SLC25A43: variants seen among roughly 807,000 people sequenced by gnomAD.
SLC25A43 encodes the protein solute carrier family 25 member 43.
Under a neutral mutation model 22.8 loss-of-function variants are expected in SLC25A43, and 10 were observed. That is an observed-to-expected ratio of 0.44 (90% CI 0.27 to 0.74). The LOEUF (loss-of-function observed/expected upper bound fraction) is 0.74, where lower values mean the gene tolerates loss of function less well. SLC25A43 is among the 30% of genes least tolerant of loss of function. The pLI is 0.17. For missense variants in SLC25A43, 233 were observed against 279.1 expected (o/e 0.83, Z 1.18); for synonymous variants, 106 against 121.6 (o/e 0.87, Z 0.84).
chrX:119,450,289 T>C (rs2052696695), intron 3 of SLC25A43, among the ~76,000 whole-genome samples: 1 of 111,349 alleles, frequency 9.0e-6, no homozygotes, highest in Admixed American at 9.6e-5. Flanking sequence ...AGTAATAATA[T>C]AGCCAAAAAG....
intron 3 of SLC25A43, among the ~76,000 whole-genome samples, chrX:119,441,316 C>T (rs1324454407): frequency 2.4e-5 from 2 of 82,608 alleles, no homozygotes; most frequent in Non-Finnish European, 4.7e-5. Context: ...CAATGCCTCG[C>T]CCTGCTTCGG....
chrX:119,415,133 C>A (rs1213865258), intron 3 of SLC25A43, among the ~76,000 whole-genome samples: 1 of 109,470 alleles, frequency 9.1e-6, no homozygotes, highest in Admixed American at 9.8e-5. Flanking sequence ...CCAAGTTGGC[C>A]AGGATGGTCT....
chrX:119,410,345 G>A lies in SLC25A43; in HGVS notation c.673G>A (p.Val225Met), dbSNP rs755141510. ...TQTLSFPFET[V>M]KRKMQAQSPY... is the part of the protein sequence containing the mutation. The stretch of plus-strand genomic sequence containing the variant: ...GACCCTCTCCTTTCCCTTTGAGACC[G>A]TGAAGAGAAAGATGCAGGTGAGGAG... Residue 225 changes from valine to methionine, a missense_variant, in exon 3 of 5, where the codon GTG becomes ATG. Val to Met is a conservative substitution (Grantham distance 21). Coordinates refer to ENST00000217909, the MANE Select transcript of SLC25A43 (RefSeq NM_145305.3). 9 of 1,209,007 alleles carry A rather than the reference G, an allele frequency of 7.4e-6. No homozygotes were observed. The highest frequency in any genetic ancestry group is 6.6e-5 in the Admixed American group (3 of 45,595).
intron 3 of SLC25A43, among the ~76,000 whole-genome samples, chrX:119,432,144 A>G (rs1263052116): frequency 9.1e-6 from 1 of 110,353 alleles, no homozygotes; most frequent in East Asian, 2.8e-4. Flanking sequence ...AGCACAAGAT[A>G]TGGAGAGAGA....
At chrX:119,431,516 G>GAAA (rs11411959) in intron 3 of SLC25A43, among the ~76,000 whole-genome samples, 6 of 89,052 alleles carry the variant, frequency 6.7e-5, no homozygotes, top group Middle Eastern at 5.7e-3. Context: ...GTCTCCAACA[G>GAAA]AAAAAAAAAA....
At chrX:119,433,979 G>T (rs909668932) in intron 3 of SLC25A43, among the ~76,000 whole-genome samples, 1 of 111,832 alleles carries the variant, frequency 8.9e-6, no homozygotes, top group Admixed American at 9.5e-5. Context: ...TGATTAAATC[G>T]CTCTGACTGC....
chrX:119,435,457 C>CTTTTTTTTTT (rs1175233726), intron 3 of SLC25A43, among the ~76,000 whole-genome samples: 12 of 54,711 alleles, frequency 2.2e-4, no homozygotes, highest in East Asian at 7.2e-4. Flanking sequence ...AGATTTTATT[C>CTTTTTTTTTT]TTTTTTTTTT....
intron 3 of SLC25A43, among the ~76,000 whole-genome samples, chrX:119,450,054 G>A (rs1168447863): frequency 8.9e-6 from 1 of 112,025 alleles, no homozygotes; most frequent in Non-Finnish European, 1.9e-5. Context: ...CGAGTTTTGA[G>A]TACTTGTGTA....
At chrX:119,432,986 C>T (rs1341898676) in intron 3 of SLC25A43, among the ~76,000 whole-genome samples, 1 of 109,995 alleles carries the variant, frequency 9.1e-6, no homozygotes, top group African/African-American at 3.3e-5. Flanking sequence ...GTAATCCCAG[C>T]TACTCGGGAG....
At position 119,452,070 on chromosome X, in the gene SLC25A43, A is replaced by T; in HGVS notation, c.752A>T (p.Asp251Val). 8.3e-7 allele frequency: 1 copy of T among 1,210,793 alleles called. No homozygotes were observed. The highest frequency in any genetic ancestry group is 1.8e-5 in the South Asian group (1 of 56,907). ...GATGTCCATTTCTCAGGAGCAGTGG[A>T]CTGCTTCCGGCAGATAGTGAAGGCC... Reference protein sequence around the residue: ...GVDVHFSGAVDCFRQIVKAQG... With the variant: ...GVDVHFSGAVVCFRQIVKAQG... Residue 251 changes from aspartate to valine, a missense_variant, in exon 4 of 5, where the codon GAC (aspartate) becomes GTC (valine). Asp to Val is a radical substitution (Grantham distance 152, BLOSUM62 -3). Coordinates refer to ENST00000217909, the MANE Select transcript of SLC25A43 (RefSeq NM_145305.3).
At chrX:119,433,701 G>A (rs900754866) in intron 3 of SLC25A43, among the ~76,000 whole-genome samples, 1 of 112,331 alleles carries the variant, frequency 8.9e-6, no homozygotes, top group African/African-American at 3.2e-5. Context: ...GCTGCAATGT[G>A]GAGGATGAGT....
chrX:119,432,441 A>G (rs2052561332), intron 3 of SLC25A43, among the ~76,000 whole-genome samples: 1 of 111,847 alleles, frequency 8.9e-6, no homozygotes, highest in South Asian at 3.7e-4. Context: ...CTTTGTGTTC[A>G]TTTTACTGGC....
rs774109351 is a variant in SLC25A43 at position 119,410,264 on chromosome X, C to G, written c.592C>G (p.Gln198Glu). ...LEKIWNGPRD[Q>E]FSLPQNFANV... Reference sequence around the variant, plus strand: ...GAAAATCTGGAACGGACCCCGAGATCAGTTCTCTCTCCCACAGAACTTTGC... The same window carrying G: ...GAAAATCTGGAACGGACCCCGAGATGAGTTCTCTCTCCCACAGAACTTTGC... The change falls in exon 3 of 5, where the codon CAG (glutamine) becomes GAG (glutamate). Residue 198 changes from glutamine (Q) to glutamate (E), a missense_variant. Transcript: ENST00000217909. 1 of 1,210,396 alleles carries G rather than the reference C, an allele frequency of 8.3e-7. No homozygotes were observed. The highest frequency in any genetic ancestry group is 3.0e-5 in the East Asian group (1 of 33,831).
At chrX:119,421,185 T>C (rs1049597518) in intron 3 of SLC25A43, among the ~76,000 whole-genome samples, 4 of 107,190 alleles carry the variant, frequency 3.7e-5, no homozygotes, top group Non-Finnish European at 7.7e-5. Context: ...AAAAGCATTC[T>C]GGAGAGCTAA....
chrX:119,445,441 C>T (rs145409458), intron 3 of SLC25A43, among the ~76,000 whole-genome samples: 1,363 of 112,163 alleles, frequency 0.012, 23 homozygotes, highest in African/African-American at 0.041. Flanking sequence ...GACAAGATGA[C>T]GACTGGCATT....
intron 4 of SLC25A43, 129 bp from the exon 5 acceptor site, chrX:119,452,736 T>C: frequency 7.7e-6 from 4 of 520,604 alleles, no homozygotes; most frequent in Non-Finnish European, 1.3e-5. Context: ...CCAAAAAGAG[T>C]TACCATTTGT....
chrX:119,416,888 C>G (rs2052405789), intron 3 of SLC25A43, among the ~76,000 whole-genome samples: 1 of 112,380 alleles, frequency 8.9e-6, no homozygotes, highest in Admixed American at 9.5e-5. Flanking sequence ...AAAATAGTTT[C>G]TCTTAAAAAA....
intron 3 of SLC25A43, among the ~76,000 whole-genome samples, chrX:119,424,706 T>C (rs2052487923): frequency 8.9e-6 from 1 of 112,758 alleles, no homozygotes; most frequent in African/African-American, 3.2e-5. Flanking sequence ...TAACAAAATA[T>C]CATAAACTAG....
At chrX:119,408,351 T>G (rs1166288497) in intron 2 of SLC25A43, among the ~76,000 whole-genome samples, 1 of 111,987 alleles carries the variant, frequency 8.9e-6, no homozygotes, top group African/African-American at 3.2e-5. Flanking sequence ...TCAAAAGTTC[T>G]CTCTTTCATC....
Sources: allele counts gnomAD v4.1 joint callset (sites outside exome capture counted in the v4.1 genomes callset), GRCh38; gene constraint gnomAD v4.1.1; transcripts MANE v1.5; gene names NCBI Gene and HGNC (gene_info 2026-07-23, HGNC 2026-07-21).